Variants in ERBB4 observed in about 807,000 individuals in gnomAD.
The protein encoded by ERBB4 is receptor tyrosine-protein kinase erbB-4.
A neutral mutation model predicts 158.0 loss-of-function variants in ERBB4; 42 were observed. That is an observed-to-expected ratio of 0.27 (90% CI 0.21 to 0.34). The LOEUF is 0.34. Among genes scored for constraint, ERBB4 ranks in the 10% least tolerant of loss-of-function variants. ERBB4 has a pLI of 1.00. For synonymous variants in ERBB4, 583 were observed against 558.7 expected (o/e 1.04, Z -0.61); for missense variants, 1,333 against 1,624.1 (o/e 0.82, Z 3.08).
At chr2:211,663,873 C>A (rs763624936) in intron 15 of ERBB4, among the ~76,000 whole-genome samples, 1 of 152,060 alleles carries the variant, frequency 6.6e-6, no homozygotes, top group African/African-American at 2.4e-5. Flanking sequence ...CTGACTCTTT[C>A]TTCTGCTCCA....
chr2:212,324,741 T>C (rs1157217911), intron 1 of ERBB4, among the ~76,000 whole-genome samples: 2 of 150,642 alleles, frequency 1.3e-5, no homozygotes, highest in Non-Finnish European at 3.0e-5. Context: ...ATAATGTTCA[T>C]ATCAGGTTTT....
intron 3 of ERBB4, among the ~76,000 whole-genome samples, chr2:211,852,368 TTAAGCTAGAA>T (rs2077740054): frequency 6.6e-6 from 1 of 151,950 alleles, no homozygotes; most frequent in Non-Finnish European, 1.5e-5. Context: ...GACACTGGCC[TTAAGCTAGAA>T]AACACTACCC....
At chr2:211,877,448 A>C (rs2078534251) in intron 3 of ERBB4, among the ~76,000 whole-genome samples, 1 of 152,204 alleles carries the variant, frequency 6.6e-6, no homozygotes, top group African/African-American at 2.4e-5. Context: ...AAATTGATTT[A>C]CTTTATATAA....
At chr2:212,499,757 G>A (rs1366027146) in intron 1 of ERBB4, among the ~76,000 whole-genome samples, 1 of 152,232 alleles carries the variant, frequency 6.6e-6, no homozygotes, top group East Asian at 1.9e-4. Context: ...AGCTGGTCTG[G>A]TGAGGAAATT....
chr2:212,401,732 T>A (rs900461461), intron 1 of ERBB4, among the ~76,000 whole-genome samples: 10 of 152,108 alleles, frequency 6.6e-5, no homozygotes, highest in African/African-American at 1.7e-4. Flanking sequence ...TAATTTTTTT[T>A]ATTCTCCTTG....
intron 1 of ERBB4, among the ~76,000 whole-genome samples, chr2:212,392,706 CCCT>C (rs370436923): frequency 3.3e-5 from 5 of 152,162 alleles, no homozygotes; most frequent in African/African-American, 1.2e-4. Context: ...CTTTATGAAT[CCCT>C]CCTTTTTCTG....
intron 1 of ERBB4, among the ~76,000 whole-genome samples, chr2:212,393,362 C>T (rs2090934365): frequency 6.6e-6 from 1 of 152,058 alleles, no homozygotes; most frequent in African/African-American, 2.4e-5. Context: ...GCAAACTCTA[C>T]ATATATGAAT....
intron 2 of ERBB4, among the ~76,000 whole-genome samples, chr2:212,094,224 G>T (rs1202392267): frequency 6.6e-6 from 1 of 151,082 alleles, no homozygotes; most frequent in Non-Finnish European, 1.5e-5. Context: ...AGATAAGGTT[G>T]TTTAAAAGAA....
At chr2:211,778,961 C>T (rs2075967479) in intron 4 of ERBB4, 1 of 152,186 alleles carries the variant, frequency 6.6e-6, no homozygotes, top group Admixed American at 6.5e-5. Flanking sequence ...CTTGTACCAA[C>T]ATGTATTCTG....
At position 211,387,860 on chromosome 2, in the gene ERBB4, G is replaced by T. The variant is rs2062718825; in HGVS notation, c.3183+85C>A. The T allele has an allele frequency of 3.7e-6, 4 of 1,078,228 alleles. No homozygotes were observed. In the East Asian group the frequency reaches 7.1e-5, roughly 19 times the overall value. The allele number at this position is 1,078,228 out of a possible 1,614,324, so 66.8% of individuals were successfully genotyped here. On this transcript the variant is annotated intron_variant, in intron 26 of 27. Coordinates refer to ENST00000342788, the MANE Select transcript of ERBB4 (RefSeq NM_005235.3). ...CTCACTGTTGGCAAAGGCAAAATGAGGAAATTATGCAGAGACGAGAGAGGA... is the reference window on the plus strand; with the variant it reads ...CTCACTGTTGGCAAAGGCAAAATGATGAAATTATGCAGAGACGAGAGAGGA...
intron 5 of ERBB4, among the ~76,000 whole-genome samples, chr2:211,737,130 C>T (rs564163174): frequency 6.6e-6 from 1 of 152,144 alleles, no homozygotes; most frequent in Non-Finnish European, 1.5e-5. Context: ...CATTTGTTCT[C>T]TTACTCCAGC....
At position 212,522,837 on chromosome 2, in the gene ERBB4, A is replaced by G. The variant is rs193064634; in HGVS notation, c.82+15612T>C. Among the ~76,000 whole-genome samples the G allele has an allele frequency of 4.0e-3, 604 of 152,100 alleles. 6 individuals are homozygous for G. Among genetic ancestry groups the G allele is most frequent in the African/African-American group, 0.014 (573 of 41,522 alleles). The stretch of plus-strand genomic sequence containing the variant: ...TTATCTATGACAGAGGATTAATACC[A>G]TCTACCACGCAGGTTTAAGGAGGCA... On this transcript the variant is annotated intron_variant, in intron 1 of 27. Coordinates refer to ENST00000342788, the MANE Select transcript of ERBB4 (RefSeq NM_005235.3).
intron 12 of ERBB4, among the ~76,000 whole-genome samples, chr2:211,690,909 A>G (rs1386613349): frequency 6.6e-6 from 1 of 152,096 alleles, no homozygotes; most frequent in African/African-American, 2.4e-5. Flanking sequence ...TGCAAAATAG[A>G]TTTTTCTTTA....
intron 2 of ERBB4, among the ~76,000 whole-genome samples, chr2:211,971,793 A>G (rs1016005958): frequency 2.0e-5 from 3 of 152,176 alleles, no homozygotes; most frequent in Non-Finnish European, 2.9e-5. Context: ...AACTAAAGGC[A>G]AAAATTACAT....
chr2:211,452,086 C>G (rs1245638368), intron 20 of ERBB4, among the ~76,000 whole-genome samples: 1 of 152,168 alleles, frequency 6.6e-6, no homozygotes, highest in Non-Finnish European at 1.5e-5. Flanking sequence ...ATATCCAGCA[C>G]TCATACACTG....
At chr2:211,480,760 G>C (rs1047767105) in intron 20 of ERBB4, among the ~76,000 whole-genome samples, 1 of 152,098 alleles carries the variant, frequency 6.6e-6, no homozygotes, top group Non-Finnish European at 1.5e-5. Flanking sequence ...CCAAATGATA[G>C]GGAGTGAAAT....
chr2:211,376,808 G>T lies in ERBB4; in HGVS notation c.*6807C>A, dbSNP rs766825972. On this transcript the variant is annotated 3_prime_UTR_variant, in exon 28 of 28. Coordinates refer to ENST00000342788, the MANE Select transcript of ERBB4 (RefSeq NM_005235.3). ...TTGTAATGGTGCTCAAGAAAGAGAT[G>T]AACTAGTCATACACCATGGGAAAAT... The T allele has an allele frequency of 1.0e-4, 24 of 232,900 alleles. No homozygotes were observed. The highest frequency in any genetic ancestry group is 1.1e-4 in the Admixed American group (2 of 17,740). The allele number at this position is 232,900 out of a possible 1,614,324, so 14.4% of individuals were successfully genotyped here.
chr2:212,225,395 G>A (rs1364767783), intron 1 of ERBB4, among the ~76,000 whole-genome samples: 2 of 152,072 alleles, frequency 1.3e-5, no homozygotes, highest in Non-Finnish European at 2.9e-5. Context: ...CATGAGGCTG[G>A]AATAAATTTT....
intron 1 of ERBB4, among the ~76,000 whole-genome samples, chr2:212,295,987 T>C (rs1199569296): frequency 6.6e-6 from 1 of 152,024 alleles, no homozygotes; most frequent in African/African-American, 2.4e-5. Flanking sequence ...TTTTTGTTTT[T>C]AATTTGTTTT....
Sources: allele counts gnomAD v4.1 joint callset (sites outside exome capture counted in the v4.1 genomes callset), GRCh38; gene constraint gnomAD v4.1.1; transcripts MANE v1.5; gene names NCBI Gene and HGNC (gene_info 2026-07-23, HGNC 2026-07-21).